GALNT13: variants seen among roughly 807,000 people sequenced by gnomAD.
The protein encoded by GALNT13 is polypeptide N-acetylgalactosaminyltransferase 13, also known as UDP-GalNAc:polypeptide N-acetylgalactosaminyltransferase 13.
GALNT13 carries 28 observed loss-of-function variants against 64.2 expected under a neutral mutation model. The ratio of observed to expected loss-of-function variants is 0.44; its 90% confidence interval spans 0.32 to 0.60. GALNT13 has a LOEUF of 0.60. Ranked by LOEUF, GALNT13 falls within the 20% of genes least tolerant of loss-of-function variation. The pLI is 0.05. For synonymous variants in GALNT13, 214 were observed against 224.6 expected, an observed-to-expected ratio of 0.95 and a Z score of 0.42; for missense variants, 577 against 669.8, an observed-to-expected ratio of 0.86 and a Z score of 1.53.
the GALNT13 span, among the ~76,000 whole-genome samples, chr2:153,319,513 A>T: frequency 6.6e-6 from 1 of 152,260 alleles, no homozygotes; most frequent in East Asian, 1.9e-4. Context: ...TCCTGACCTC[A>T]AGGAATCCTC....
chr2:153,651,980 C>A, the GALNT13 span, among the ~76,000 whole-genome samples: 2 of 152,072 alleles, frequency 1.3e-5, no homozygotes, highest in African/African-American at 4.8e-5. Context: ...GTAAGCTTCC[C>A]GGGTACTATC....
the GALNT13 span, among the ~76,000 whole-genome samples, chr2:153,308,101 AC>A: frequency 6.6e-6 from 1 of 152,116 alleles, no homozygotes; most frequent in African/African-American, 2.4e-5. Flanking sequence ...ACTGATGAAA[AC>A]CTGGGGGCTA....
chr2:153,693,317 G>A, the GALNT13 span, among the ~76,000 whole-genome samples: 1 of 152,120 alleles, frequency 6.6e-6, no homozygotes, highest in South Asian at 2.1e-4. Flanking sequence ...TACTCTTTTT[G>A]TGAATCGTAT....
At chr2:154,188,068 A>C (rs907999388) in intron 4 of GALNT13, among the ~76,000 whole-genome samples, 3 of 148,326 alleles carry the variant, frequency 2.0e-5, no homozygotes, top group African/African-American at 7.5e-5. Context: ...TGTTCATATT[A>C]GCTTCATTCT....
At chr2:154,153,774 G>T (rs529972896) in intron 4 of GALNT13, among the ~76,000 whole-genome samples, 2 of 152,350 alleles carry the variant, frequency 1.3e-5, no homozygotes, top group Non-Finnish European at 2.9e-5. Flanking sequence ...CGTTTTTTAA[G>T]CCCATTGGAA....
chr2:153,210,155 C>A, the GALNT13 span, among the ~76,000 whole-genome samples: 1 of 152,058 alleles, frequency 6.6e-6, no homozygotes, highest in Non-Finnish European at 1.5e-5. Context: ...CCTCTTAAGT[C>A]TGTATGCCTT....
chr2:153,210,471 T>G, the GALNT13 span, among the ~76,000 whole-genome samples: 3 of 152,194 alleles, frequency 2.0e-5, no homozygotes, highest in Non-Finnish European at 2.9e-5. Flanking sequence ...TATTAAATTT[T>G]GAACCGACCT....
the GALNT13 span, among the ~76,000 whole-genome samples, chr2:153,104,262 T>A: frequency 6.6e-6 from 1 of 152,198 alleles, no homozygotes; most frequent in African/African-American, 2.4e-5. Flanking sequence ...TTTGCCCAGA[T>A]GTGCTCCACT....
At chr2:153,342,406 T>A in the GALNT13 span, among the ~76,000 whole-genome samples, 5 of 152,240 alleles carry the variant, frequency 3.3e-5, no homozygotes, top group African/African-American at 1.2e-4. Flanking sequence ...AGACACTGTC[T>A]GCACTAAATG....
At chr2:153,952,826 C>T (rs940537466) in intron 3 of GALNT13, among the ~76,000 whole-genome samples, 1 of 152,176 alleles carries the variant, frequency 6.6e-6, no homozygotes, top group Non-Finnish European at 1.5e-5. Context: ...GAAGTTACAA[C>T]AGCCCCTGGC....
In GALNT13 at chr2:153,944,394, T is replaced by C; in HGVS notation, c.-104T>C. ...AATTTTCTTCTTTGTTTTAATGCAGTGGAATGTATCCTGCTTTCATCTTGG... is the reference window on the plus strand; with the variant it reads ...AATTTTCTTCTTTGTTTTAATGCAGCGGAATGTATCCTGCTTTCATCTTGG... On this transcript the variant is annotated splice_region_variant and 5_prime_UTR_variant, in exon 3 of 13. The change abolishes an upstream ATG in the 5' untranslated region. Coordinates refer to ENST00000392825, the MANE Select transcript of GALNT13 (RefSeq NM_052917.4). 2 of 975,062 alleles carry C rather than the reference T, an allele frequency of 2.1e-6. No individual in the cohort carries two copies. Among genetic ancestry groups the C allele is most frequent in the Non-Finnish European group, 3.1e-6 (2 of 655,078 alleles). The allele number at this position is 975,062 out of a possible 1,614,324, so 60.4% of individuals were successfully genotyped here.
rs1689528582 is a variant in GALNT13 at position 154,242,214 on chromosome 2, G to T, written c.478+18G>T. 1 of 1,595,356 alleles carries T rather than the reference G, an allele frequency of 6.3e-7. No individual in the cohort carries two copies. Among genetic ancestry groups the T allele is most frequent in the Non-Finnish European group, 8.5e-7 (1 of 1,172,582 alleles). ...TGAAAGAGGTACAAACTGGTTTTTT[G>T]TTTTTGTTTTTGTTTTTTTGTTTTG... On this transcript the variant is annotated intron_variant, in intron 5 of 12. Coordinates refer to ENST00000392825, the MANE Select transcript of GALNT13 (RefSeq NM_052917.4).
the GALNT13 span, among the ~76,000 whole-genome samples, chr2:153,663,675 A>C: frequency 6.6e-6 from 1 of 152,260 alleles, no homozygotes; most frequent in South Asian, 2.1e-4. Context: ...GCTTATGATA[A>C]AGTCCATGGC....
At chr2:153,329,999 A>G in the GALNT13 span, among the ~76,000 whole-genome samples, 11 of 152,222 alleles carry the variant, frequency 7.2e-5, no homozygotes, top group Non-Finnish European at 1.3e-4. Context: ...GCATATGGCT[A>G]GCTAGCTATC....
intron 4 of GALNT13, among the ~76,000 whole-genome samples, chr2:154,213,261 G>T (rs1687874768): frequency 6.6e-6 from 1 of 151,978 alleles, no homozygotes; most frequent in African/African-American, 2.4e-5. Context: ...TGTATCTTTT[G>T]TAGATATGGG....
chr2:154,257,577 T>C (rs1297887685), intron 7 of GALNT13: 1 of 152,142 alleles, frequency 6.6e-6, no homozygotes, highest in Admixed American at 6.5e-5. Context: ...AGGTCAATGA[T>C]ACTGTTCATG....
the GALNT13 span, among the ~76,000 whole-genome samples, chr2:153,496,285 A>C: frequency 6.6e-6 from 1 of 152,348 alleles, no homozygotes; most frequent in Non-Finnish European, 1.5e-5. Context: ...TTCCTTTTTA[A>C]GGAATCCCTA....
intron 1 of GALNT13, among the ~76,000 whole-genome samples, chr2:153,875,478 C>A (rs1300268156): frequency 3.3e-5 from 5 of 152,108 alleles, no homozygotes; most frequent in African/African-American, 1.2e-4. Context: ...ACTTACTGGG[C>A]AGTCATTTCA....
the GALNT13 span, among the ~76,000 whole-genome samples, chr2:153,239,392 C>T: frequency 6.6e-6 from 1 of 152,054 alleles, no homozygotes; most frequent in South Asian, 2.1e-4. Flanking sequence ...AGTGGTAAAA[C>T]TGAGCATTGT....
Sources: gnomAD v4.1 joint callset for allele counts (sites outside exome capture counted in the v4.1 genomes callset) on GRCh38, gnomAD v4.1.1 for gene constraint, MANE v1.5 for transcripts, NCBI Gene and HGNC (gene_info 2026-07-23, HGNC 2026-07-21) for gene names.